The following SELENOO variants were observed in gnomAD, a reference collection of about 807,000 sequenced individuals.
SELENOO encodes the protein protein adenylyltransferase SelO, mitochondrial.
SELENOO carries 74 observed loss-of-function variants against 58.7 expected under a neutral mutation model. The ratio of observed to expected loss-of-function variants is 1.26; its 90% confidence interval spans 1.04 to 1.53. The LOEUF (loss-of-function observed/expected upper bound fraction) is 1.53, where lower values mean the gene tolerates loss of function less well. SELENOO is among the 40% of genes most tolerant of loss of function. SELENOO has a pLI of 0.00. For missense variants in SELENOO, 1,149 were observed against 970.0 expected, an observed-to-expected ratio of 1.18 and a Z score of -2.45; for synonymous variants, 543 against 453.2, an observed-to-expected ratio of 1.20 and a Z score of -2.52.
Position 50,217,199 on chromosome 22 carries a change from C to T in SELENOO, c.1846-6C>T, listed in dbSNP as rs201423619. ...CCAGACCCCTCTCACCCTCCTGATC[C>T]TCCAGGTGCGGCGGGTGCTGAAACT... On this transcript the variant is annotated splice_polypyrimidine_tract_variant and splice_region_variant and intron_variant, in intron 8 of 8. Transcript: ENST00000380903. 2.5e-6 allele frequency: 4 copies of T among 1,612,122 alleles called. No homozygotes were observed. Among genetic ancestry groups the T allele is most frequent in the Non-Finnish European group, 3.4e-6 (4 of 1,179,266 alleles).
rs2064359166 is a variant in SELENOO at position 50,210,257 on chromosome 22, A to G, written c.1016A>G (p.Asn339Ser). ...TGCCACGGCGTGCTCAACACCGACAACATGAGCATCCTGGGGCTCACCATC... is the reference window on the plus strand; with the variant it reads ...TGCCACGGCGTGCTCAACACCGACAGCATGAGCATCCTGGGGCTCACCATC... ...GFCHGVLNTD[N>S]MSILGLTIDY... is the part of the protein sequence containing the mutation. The change falls in exon 4 of 9, where the codon AAC becomes AGC. Residue 339 changes from asparagine (N) to serine (S), a missense_variant. Coordinates refer to ENST00000380903, the MANE Select transcript of SELENOO (RefSeq NM_031454.2). 1.9e-6 allele frequency: 3 copies of G among 1,613,388 alleles called. No homozygotes were observed. The highest frequency in any genetic ancestry group is 1.3e-5 in the African/African-American group (1 of 74,920).
rs773016314 is a variant in SELENOO, at chr22:50,210,633, A to G, written c.1073A>G (p.Tyr358Cys). Residue 358 changes from tyrosine to cysteine, a missense_variant and splice_region_variant, in exon 5 of 9, where the codon TAC becomes TGC. Physicochemically the swap from Tyr to Cys is radical, Grantham distance 194. Transcript: ENST00000380903. ...DYGPFGFLDR[Y>C]DPDHVCNASD... The stretch of plus-strand genomic sequence containing the variant: ...GGCTCTCTTGCCCCGTGTGGCAGGT[A>G]CGACCCCGACCACGTGTGCAATGCC... The G allele has an allele frequency of 6.8e-6, 11 of 1,612,780 alleles. No individual in the cohort carries two copies. The South Asian group carries it at 1.1e-4, about 16-fold the overall frequency.
intron 3 of SELENOO, among the ~76,000 whole-genome samples, chr22:50,209,867 C>T (rs1341785068): frequency 6.6e-6 from 1 of 152,240 alleles, no homozygotes; most frequent in Non-Finnish European, 1.5e-5. Flanking sequence ...GGTGTGGCCC[C>T]TCAGTGAACT....
Position 50,216,820 on chromosome 22 carries a change from GGCAGAGCT to G in SELENOO, c.1640_1647del (p.Leu547GlnfsTer8). On this transcript the variant is annotated frameshift_variant, in exon 7 of 9. Coordinates refer to ENST00000380903, the MANE Select transcript of SELENOO (RefSeq NM_031454.2). LOFTEE classifies it high-confidence loss of function. ...AGTCTCGGCTGGAGCAGCTGAGTGC[GGCAGAGCT>G]GCAGAGCAGGAACCAGGGCCACTGG... is the stretch of plus-strand genomic sequence containing the variant. 1 of 1,608,606 alleles carries G rather than the reference GGCAGAGCT, an allele frequency of 6.2e-7. No homozygotes were observed. Among genetic ancestry groups the G allele is most frequent in the Non-Finnish European group, 8.5e-7 (1 of 1,179,818 alleles).
Position 50,210,251 on chromosome 22 carries a change from CCG to C in SELENOO, c.1011_1012del (p.Asp338GlnfsTer73). 1.2e-6 allele frequency: 2 copies of C among 1,613,506 alleles called. No homozygotes were observed. The highest frequency in any genetic ancestry group is 2.2e-5 in the South Asian group (2 of 91,086). On this transcript the variant is annotated frameshift_variant, in exon 4 of 9. Transcript: ENST00000380903. LOFTEE classifies it high-confidence loss of function. ...GGCTTCTGCCACGGCGTGCTCAACA[CCG>C]ACAACATGAGCATCCTGGGGCTCAC... is the stretch of plus-strand genomic sequence containing the variant.
intron 2 of SELENOO, among the ~76,000 whole-genome samples, chr22:50,208,149 A>T (rs992149690): frequency 2.0e-5 from 3 of 152,018 alleles, no homozygotes; most frequent in African/African-American, 7.2e-5. Context: ...CAGCCACAAC[A>T]GGCCAGGCGC....
At chr22:50,206,056 G>T in intron 1 of SELENOO, 1 of 553,876 alleles carries the variant, frequency 1.8e-6, no homozygotes, top group South Asian at 2.0e-5. Context: ...CTCGTTCTGG[G>T]CAGGAAGACG....
rs1569098819 is a variant in SELENOO at position 50,201,420 on chromosome 22, G to C, written c.384G>C (p.Ala128=). ...AEAALFFSGN[A]LLPGAEPAAH... ...CCGCGCTGTTCTTCAGCGGCAACGCGCTCCTGCCGGGCGCCGAGCCCGCCG... is the reference window on the plus strand; with the variant it reads ...CCGCGCTGTTCTTCAGCGGCAACGCCCTCCTGCCGGGCGCCGAGCCCGCCG... The change falls in exon 1 of 9, where the codon GCG becomes GCC. Residue 128 remains alanine (A), a synonymous_variant. Coordinates refer to ENST00000380903, the MANE Select transcript of SELENOO (RefSeq NM_031454.2). 7.4e-7 allele frequency: 1 copy of C among 1,354,502 alleles called. No homozygotes were observed. The highest frequency in any genetic ancestry group is 3.3e-5 in the East Asian group (1 of 30,714). 83.9% of individuals were successfully genotyped at this position (1,354,502 alleles called of 1,614,324 possible). A position where few individuals can be genotyped will look rare whatever the true frequency, so the allele number is the denominator to read the frequency against.
Position 50,201,235 on chromosome 22 carries a change from C to CCCGAGGGCGCCCCGTCCGCG in SELENOO, c.203_222dup (p.Pro76AlafsTer179). 1 of 1,123,776 alleles carries CCCGAGGGCGCCCCGTCCGCG rather than the reference C, an allele frequency of 8.9e-7. No individual in the cohort carries two copies. The highest frequency in any genetic ancestry group is 1.1e-6 in the Non-Finnish European group (1 of 920,874). 69.6% of individuals were successfully genotyped at this position (1,123,776 alleles called of 1,614,324 possible). A position where few individuals can be genotyped will look rare whatever the true frequency, so the allele number is the denominator to read the frequency against. On this transcript the variant is annotated frameshift_variant, in exon 1 of 9. Transcript: ENST00000380903. LOFTEE classifies it high-confidence loss of function. Reference sequence around the variant, plus strand: ...GCCCGTGGAGGCGCCGCCGCCCGGTCCCGAGGGCGCCCCGTCCGCGCCGCG... The same window carrying CCCGAGGGCGCCCCGTCCGCG: ...GCCCGTGGAGGCGCCGCCGCCCGGTCCCGAGGGCGCCCCGTCCGCGCCGAGGGCGCCCCGTCCGCGCCGCG...
Position 50,215,811 on chromosome 22 carries a change from G to GC in SELENOO, c.1447dup (p.Gln483ProfsTer75). ...CGGAATTCCTGGCCAGGCTGATGGA[G>GC]CAGTGTGCCTCCCTGGAGGAGCTGA... On this transcript the variant is annotated frameshift_variant, in exon 6 of 9. Coordinates refer to ENST00000380903, the MANE Select transcript of SELENOO (RefSeq NM_031454.2). LOFTEE classifies it high-confidence loss of function. The GC allele has an allele frequency of 1.2e-6, 2 of 1,612,894 alleles. No homozygotes were observed. The highest frequency in any genetic ancestry group is 1.7e-6 in the Non-Finnish European group (2 of 1,179,392).
chr22:50,216,460 TG>T (rs1212483058), intron 6 of SELENOO, among the ~76,000 whole-genome samples: 1 of 152,206 alleles, frequency 6.6e-6, no homozygotes, highest in Non-Finnish European at 1.5e-5. Flanking sequence ...GGCAGCAGAG[TG>T]GTCCTGCCCC....
intron 5 of SELENOO, 89 bp downstream of exon 5, chr22:50,211,000 G>T (rs2064367989): frequency 1.4e-6 from 2 of 1,427,310 alleles, no homozygotes; most frequent in Non-Finnish European, 9.8e-7. Flanking sequence ...GGTTCCAAGT[G>T]CACAGTCACT....
At chr22:50,214,760 G>A (rs956126783) in intron 5 of SELENOO, among the ~76,000 whole-genome samples, 13 of 152,172 alleles carry the variant, frequency 8.5e-5, no homozygotes, top group East Asian at 1.9e-4. Flanking sequence ...GCAAGACTCC[G>A]TCTCAAAAAA....
At chr22:50,213,167 TCTC>T (rs1230800577) in intron 5 of SELENOO, among the ~76,000 whole-genome samples, 2 of 152,208 alleles carry the variant, frequency 1.3e-5, no homozygotes, top group African/African-American at 2.4e-5. Flanking sequence ...CTCAAGTGGT[TCTC>T]CTCCTTCAGA....
In SELENOO at chr22:50,201,175, G is replaced by A. The variant is rs2064296217; in HGVS notation, c.139G>A (p.Gly47Arg). ...AMEPAPRWLA[G>R]LRFDNRALRA... ...GGAGCCCGCGCCTCGCTGGCTGGCG[G>A]GGCTGCGCTTCGACAACCGCGCCCT... The change falls in exon 1 of 9, where the codon GGG (glycine) becomes AGG (arginine). Residue 47 changes from glycine to arginine, a missense_variant. By Grantham distance (125) the Gly-to-Arg change is moderately radical. Coordinates refer to ENST00000380903, the MANE Select transcript of SELENOO (RefSeq NM_031454.2). 2 of 1,238,336 alleles carry A rather than the reference G, an allele frequency of 1.6e-6. No individual in the cohort carries two copies. The highest frequency in any genetic ancestry group is 2.0e-6 in the Non-Finnish European group (2 of 990,206). 76.7% of individuals were successfully genotyped at this position (1,238,336 alleles called of 1,614,324 possible). A position where few individuals can be genotyped will look rare whatever the true frequency, so the allele number is the denominator to read the frequency against.
At chr22:50,210,420 G>A (rs1229760455) in intron 4 of SELENOO, 109 bp downstream of exon 4, 13 of 1,446,310 alleles carry the variant, frequency 9.0e-6, no homozygotes, top group East Asian at 7.0e-5. Context: ...AGGGGGAGCC[G>A]AGGGGGCTGG....
chr22:50,210,966 A>G, intron 5 of SELENOO, 55 bp downstream of exon 5: 6 of 1,597,670 alleles, frequency 3.8e-6, no homozygotes, highest in Admixed American at 3.4e-5. Flanking sequence ...TTGTGCTTAG[A>G]GATGGTTTAC....
chr22:50,205,393 G>A (rs140690361), intron 1 of SELENOO, among the ~76,000 whole-genome samples: 4 of 152,288 alleles, frequency 2.6e-5, no homozygotes, highest in Non-Finnish European at 4.4e-5. Context: ...CAAGACTAGC[G>A]TGGGCAACAT....
At chr22:50,215,915 G>GCATAATCAGAA (rs780969524) in intron 6 of SELENOO, 48 bp downstream of exon 6, 1 of 1,528,098 alleles carries the variant, frequency 6.5e-7, no homozygotes, top group Non-Finnish European at 8.9e-7. Flanking sequence ...AGAAAAGGAA[G>GCATAATCAGAA]CATAATCAGA....
Sources: gnomAD v4.1 joint callset for allele counts (sites outside exome capture counted in the v4.1 genomes callset) on GRCh38, gnomAD v4.1.1 for gene constraint, MANE v1.5 for transcripts, NCBI Gene and HGNC (gene_info 2026-07-23, HGNC 2026-07-21) for gene names.